Variants in SUCLG2 observed in about 807,000 individuals in gnomAD.
SUCLG2 encodes the protein succinate-CoA ligase GDP-forming subunit beta.
SUCLG2 carries 42 observed loss-of-function variants against 47.9 expected under a neutral mutation model. The ratio of observed to expected loss-of-function variants is 0.88; its 90% CI spans 0.69 to 1.14. The LOEUF (loss-of-function observed/expected upper bound fraction) is 1.14. SUCLG2 is among the 50% of genes most tolerant of loss of function. SUCLG2 has a pLI of 0.00. For missense variants in SUCLG2, 571 were observed against 525.9 expected (o/e 1.09, Z -0.84); for synonymous variants, 195 against 197.3 (o/e 0.99, Z 0.10).
chr3:67,418,414 G>T (rs1171516245), intron 9 of SUCLG2, among the ~76,000 whole-genome samples: 1 of 152,136 alleles, frequency 6.6e-6, no homozygotes, highest in African/African-American at 2.4e-5. Flanking sequence ...AGTTTGCCAA[G>T]ATCAGCAGCT....
chr3:67,488,893 G>A (rs776003647), intron 9 of SUCLG2, among the ~76,000 whole-genome samples: 38 of 152,042 alleles, frequency 2.5e-4, no homozygotes, highest in Non-Finnish European at 4.7e-4. Flanking sequence ...GAGCTTGCTG[G>A]GACTAACGAC....
intron 9 of SUCLG2, among the ~76,000 whole-genome samples, chr3:67,478,929 G>A (rs1398552898): frequency 6.6e-6 from 1 of 152,214 alleles, no homozygotes; most frequent in Non-Finnish European, 1.5e-5. Context: ...CTTAAGAACT[G>A]TCTTTAGACC....
At chr3:67,443,740 G>A (rs1379461212) in intron 9 of SUCLG2, among the ~76,000 whole-genome samples, 5 of 91,636 alleles carry the variant, frequency 5.5e-5, no homozygotes, top group South Asian at 5.0e-4. Context: ...CTGCCCGGCC[G>A]AGACCCCGTC....
At chr3:67,409,654 AC>A (rs1253029976) in intron 9 of SUCLG2, among the ~76,000 whole-genome samples, 1 of 152,030 alleles carries the variant, frequency 6.6e-6, no homozygotes, top group African/African-American at 2.4e-5. Flanking sequence ...TAGTCTGTCA[AC>A]ATTGCCCCTC....
chr3:67,407,120 T>C (rs1460914792), intron 9 of SUCLG2, among the ~76,000 whole-genome samples: 1 of 152,180 alleles, frequency 6.6e-6, no homozygotes, highest in Non-Finnish European at 1.5e-5. Flanking sequence ...AAAGCAATCA[T>C]AGACAAACAA....
In SUCLG2 at chr3:67,544,748, G is replaced by A. The variant is rs548600522; in HGVS notation, c.227-15562C>T. Among the ~76,000 whole-genome samples the A allele has an allele frequency of 8.5e-5, 13 of 152,222 alleles. No homozygotes were observed. The South Asian group carries it at 2.7e-3, about 32-fold the overall frequency. On this transcript the variant is annotated intron_variant, in intron 2 of 10. Coordinates refer to ENST00000307227, the MANE Select transcript of SUCLG2 (RefSeq NM_003848.4). ...CTACTTTGCTTTTCTATTTATTTCT[G>A]TTTGGCTTTCATGGTTTGCTGTTTA... is the stretch of plus-strand genomic sequence containing the variant.
intron 10 of SUCLG2, among the ~76,000 whole-genome samples, chr3:67,368,594 TTTTA>T (rs1236806145): frequency 3.3e-5 from 5 of 152,134 alleles, no homozygotes; most frequent in South Asian, 2.1e-4. Context: ...GGCATCTTCA[TTTTA>T]TTTATTTATT....
At chr3:67,376,432 A>G in intron 10 of SUCLG2, 1 of 985,384 alleles carries the variant, frequency 1.0e-6, no homozygotes, top group African/African-American at 1.7e-5. Flanking sequence ...TGGCCAAGTC[A>G]CTTCATTCAA....
chr3:67,428,329 C>A (rs1434079879), intron 9 of SUCLG2, among the ~76,000 whole-genome samples: 1 of 152,188 alleles, frequency 6.6e-6, no homozygotes, highest in African/African-American at 2.4e-5. Flanking sequence ...TCCAGGCAAA[C>A]AGGGTCTGGA....
intron 9 of SUCLG2, among the ~76,000 whole-genome samples, chr3:67,425,519 TA>T (rs955146873): frequency 1.3e-5 from 2 of 150,618 alleles, no homozygotes; most frequent in Non-Finnish European, 3.0e-5. Context: ...GGCCTAAGCA[TA>T]AAAAAAAAGG....
rs377170161 is a variant in SUCLG2, at chr3:67,654,596, G to A, written c.-10C>T. The A allele has an allele frequency of 3.6e-4, 463 of 1,271,676 alleles. 3 individuals are homozygous for A. In the African/African-American group the frequency reaches 6.3e-3, roughly 17 times the overall value. 78.8% of individuals were successfully genotyped at this position (1,271,676 alleles called of 1,614,324 possible). ...CTACGGGGGACGCCATCTTAAACAG[G>A]AAACTCGGCACGGGGCAGTAGGGCG... On this transcript the variant is annotated 5_prime_UTR_variant, in exon 1 of 11. Transcript: ENST00000307227.
At chr3:67,595,032 C>A (rs1438900714) in intron 2 of SUCLG2, among the ~76,000 whole-genome samples, 1 of 152,098 alleles carries the variant, frequency 6.6e-6, no homozygotes, top group Non-Finnish European at 1.5e-5. Flanking sequence ...GGAAGCTGAA[C>A]AAATAAAAAT....
rs2107145390 is a variant in SUCLG2, at chr3:67,528,204, C to T, written c.345G>A (p.Gln115=). 1 of 1,613,798 alleles carries T rather than the reference C, an allele frequency of 6.2e-7. No homozygotes were observed. The highest frequency in any genetic ancestry group is 1.3e-5 in the African/African-American group (1 of 75,014). Reference sequence around the variant, plus strand: ...TGTACCCAATCATCTGTTTAGCCAGCTGTCCCACAACATTAGGGCTAAGAG... The same window carrying T: ...TGTACCCAATCATCTGTTTAGCCAGTTGTCCCACAACATTAGGGCTAAGAG... ...HLTKDPNVVG[Q]LAKQMIGYNL... The change falls in exon 4 of 11, where the codon CAG becomes CAA. Residue 115 remains glutamine (Q), a synonymous_variant. Transcript: ENST00000307227.
intron 2 of SUCLG2, among the ~76,000 whole-genome samples, chr3:67,585,086 T>G (rs1372879432): frequency 6.6e-6 from 1 of 152,152 alleles, no homozygotes; most frequent in African/African-American, 2.4e-5. Flanking sequence ...TTAATTAGCT[T>G]GTCAGAAAAT....
At position 67,608,880 on chromosome 3, in the gene SUCLG2, T is replaced by C. The variant is rs1029466230; in HGVS notation, c.226+575A>G. 9.2e-5 allele frequency among the ~76,000 whole-genome samples: 14 copies of C among 152,266 alleles called. No homozygotes were observed. In the East Asian group the frequency reaches 2.7e-3, roughly 29 times the overall value. ...TTTTGTAGAAACGGGTTCTGCTATGTTGCCCAGGCTGGTCTCAAACTCCTG... is the reference window on the plus strand; with the variant it reads ...TTTTGTAGAAACGGGTTCTGCTATGCTGCCCAGGCTGGTCTCAAACTCCTG... On this transcript the variant is annotated intron_variant, in intron 2 of 10. Coordinates refer to ENST00000307227, the MANE Select transcript of SUCLG2 (RefSeq NM_003848.4).
At chr3:67,443,098 T>G (rs1416965009) in intron 9 of SUCLG2, among the ~76,000 whole-genome samples, 1 of 152,178 alleles carries the variant, frequency 6.6e-6, no homozygotes, top group Non-Finnish European at 1.5e-5. Context: ...ACATAGCAAG[T>G]ACATTGTATG....
chr3:67,577,911 C>T (rs1179334001), intron 2 of SUCLG2, among the ~76,000 whole-genome samples: 8 of 152,164 alleles, frequency 5.3e-5, no homozygotes, highest in African/African-American at 1.9e-4. Flanking sequence ...GAAGGATACC[C>T]TCTCAAGATC....
intron 2 of SUCLG2, among the ~76,000 whole-genome samples, chr3:67,601,681 A>G (rs1451254302): frequency 4.6e-5 from 7 of 152,320 alleles, no homozygotes; most frequent in African/African-American, 1.7e-4. Flanking sequence ...TAGCTTTAAA[A>G]AAACAAGTCG....
intron 10 of SUCLG2, among the ~76,000 whole-genome samples, chr3:67,390,479 T>C (rs1702356304): frequency 6.6e-6 from 1 of 152,228 alleles, no homozygotes; most frequent in Admixed American, 6.5e-5. Context: ...GGTAACTTTA[T>C]AATTACATGT....
Sources: allele counts gnomAD v4.1 joint callset (sites outside exome capture counted in the v4.1 genomes callset), GRCh38; gene constraint gnomAD v4.1.1; transcripts MANE v1.5; gene names NCBI Gene and HGNC (gene_info 2026-07-23, HGNC 2026-07-21).